SMIM13: variants seen among roughly 807,000 people sequenced by gnomAD.
SMIM13 encodes UPF0766 protein C6orf228.
Under a neutral mutation model 5.9 loss-of-function variants are expected in SMIM13, and 3 were observed. That is an observed-to-expected ratio of 0.51 (90% CI 0.23 to 1.31). SMIM13 has a LOEUF of 1.31. Ranked by LOEUF, SMIM13 falls within the 40% of genes most tolerant of loss-of-function variation. The probability of loss-of-function intolerance (pLI) is 0.18; values close to 1 mark genes in which losing one functional copy is unlikely to be tolerated. For synonymous variants in SMIM13, 55 were observed against 46.0 expected, an observed-to-expected ratio of 1.19 and a Z score of -0.79; for missense variants, 85 against 109.9, an observed-to-expected ratio of 0.77 and a Z score of 1.01.
chr6:11,118,716 A>AT (rs1561757402), intron 1 of SMIM13, among the ~76,000 whole-genome samples: 13 of 152,338 alleles, frequency 8.5e-5, no homozygotes, highest in Admixed American at 8.5e-4. Flanking sequence ...TAGTAGTCTC[A>AT]TATCTGTATT....
chr6:11,121,234 C>T (rs577685298), intron 1 of SMIM13, among the ~76,000 whole-genome samples: 6 of 152,320 alleles, frequency 3.9e-5, no homozygotes, highest in East Asian at 1.9e-4. Flanking sequence ...CCTCACCTCT[C>T]CTTTCTTCTT....
chr6:11,128,041 A>C (rs914856543), intron 1 of SMIM13, among the ~76,000 whole-genome samples: 1 of 152,200 alleles, frequency 6.6e-6, no homozygotes, highest in Non-Finnish European at 1.5e-5. Context: ...CCCAAGCTGC[A>C]AGACAAAGTT....
intron 1 of SMIM13, among the ~76,000 whole-genome samples, chr6:11,100,583 TC>T (rs1757977452): frequency 1.3e-5 from 2 of 152,236 alleles, no homozygotes; most frequent in South Asian, 4.1e-4. Flanking sequence ...ATTATCTTTT[TC>T]AGTTTCCATT....
At chr6:11,102,803 C>T (rs1758015021) in intron 1 of SMIM13, 1 of 152,164 alleles carries the variant, frequency 6.6e-6, no homozygotes, top group African/African-American at 2.4e-5. Flanking sequence ...ATCCTTGCCC[C>T]CCGGAGGAGA....
chr6:11,114,592 CTTTTTTTT>C (rs58585640), intron 1 of SMIM13, among the ~76,000 whole-genome samples: 4 of 21,842 alleles, frequency 1.8e-4, no homozygotes, highest in East Asian at 1.9e-3. Flanking sequence ...CACTTTTTCT[CTTTTTTTT>C]TTTTTTTTTT....
At chr6:11,106,017 G>A (rs1421649249) in intron 1 of SMIM13, among the ~76,000 whole-genome samples, 1 of 152,162 alleles carries the variant, frequency 6.6e-6, no homozygotes, top group African/African-American at 2.4e-5. Context: ...TTGGGGATGT[G>A]TTTGAGGGTT....
chr6:11,135,129 A>G lies in SMIM13; in HGVS notation c.*527A>G, dbSNP rs1473901495. 1 of 152,646 alleles carries G rather than the reference A, an allele frequency of 6.6e-6. No individual in the cohort carries two copies. Among genetic ancestry groups the G allele is most frequent in the Admixed American group, 6.5e-5 (1 of 15,274 alleles). The allele number at this position is 152,646 out of a possible 1,614,324, so 9.5% of individuals were successfully genotyped here. A position where few individuals can be genotyped will look rare whatever the true frequency, so the allele number is the denominator to read the frequency against. ...ATTTTAAAATGTCTTCAAAAAGATC[A>G]CACTATGATTCAGCATTGAAACGAA... On this transcript the variant is annotated 3_prime_UTR_variant, in exon 2 of 2. Transcript: ENST00000416247.
At chr6:11,104,490 T>A in intron 1 of SMIM13, 11 of 1,554,546 alleles carry the variant, frequency 7.1e-6, no homozygotes, top group Non-Finnish European at 9.6e-6. Flanking sequence ...TCCAAAAAAT[T>A]CTGAGACTGC....
At chr6:11,115,984 G>A (rs1758233691) in intron 1 of SMIM13, among the ~76,000 whole-genome samples, 1 of 146,592 alleles carries the variant, frequency 6.8e-6, no homozygotes, top group African/African-American at 2.5e-5. Context: ...ACCATGCCCT[G>A]CCGGCCGGCC....
At chr6:11,101,810 G>T (rs776659664) in intron 1 of SMIM13, among the ~76,000 whole-genome samples, 1 of 148,820 alleles carries the variant, frequency 6.7e-6, no homozygotes, top group African/African-American at 2.5e-5. Context: ...CACAATTGCC[G>T]CTCACTGCAA....
intron 1 of SMIM13, among the ~76,000 whole-genome samples, chr6:11,117,609 A>ATTT (rs1364478486): frequency 6.6e-6 from 1 of 152,018 alleles, no homozygotes; most frequent in Non-Finnish European, 1.5e-5. Context: ...AATTTTGAAT[A>ATTT]TTTGTTCTTT....
chr6:11,093,840 G>C lies in SMIM13; in HGVS notation c.-474G>C, dbSNP rs1757884306. Among the ~76,000 whole-genome samples the C allele has an allele frequency of 6.6e-6, 1 of 152,254 alleles. No homozygotes were observed. Among genetic ancestry groups the C allele is most frequent in the Non-Finnish European group, 1.5e-5 (1 of 68,046 alleles). ...GCGGTAGGGGGCCTGGGGCGGAGAA[G>C]CCGCTACAGCCGCGGCCGGGCGACG... On this transcript the variant is annotated 5_prime_UTR_variant, in exon 1 of 2. Coordinates refer to ENST00000416247, the MANE Select transcript of SMIM13 (RefSeq NM_001135575.2).
At chr6:11,094,448 G>T (rs2273884) in intron 1 of SMIM13, 59 bp downstream of exon 1, 583,754 of 1,210,354 alleles carry the variant, frequency 0.48, 137,803 homozygotes, top group African/African-American at 0.62. Flanking sequence ...ATCTGCTGGG[G>T]TTTTTTTTGT....
chr6:11,095,695 G>A (rs912204508), intron 1 of SMIM13, among the ~76,000 whole-genome samples: 16 of 152,200 alleles, frequency 1.1e-4, no homozygotes, highest in African/African-American at 3.4e-4. Context: ...TGTAACACCA[G>A]GTTAAAGCTT....
At chr6:11,121,677 C>T (rs1475277223) in intron 1 of SMIM13, among the ~76,000 whole-genome samples, 1 of 152,206 alleles carries the variant, frequency 6.6e-6, no homozygotes, top group African/African-American at 2.4e-5. Flanking sequence ...TAACTTTGCA[C>T]TTGTCTTCTC....
chr6:11,094,158 C>G lies in SMIM13; in HGVS notation c.-156C>G, dbSNP rs1757889614. ...AGTGCCCGCCTTTGCGCCGCCCCAC[C>G]CCCTGGGGGCGCTGCCGAGGGGGCG... On this transcript the variant is annotated 5_prime_UTR_variant, in exon 1 of 2. Coordinates refer to ENST00000416247, the MANE Select transcript of SMIM13 (RefSeq NM_001135575.2). 6.1e-6 allele frequency: 1 copy of G among 163,894 alleles called. No homozygotes were observed. Among genetic ancestry groups the G allele is most frequent in the South Asian group, 1.9e-4 (1 of 5,340 alleles). 10.2% of individuals were successfully genotyped at this position (163,894 alleles called of 1,614,324 possible). A position where few individuals can be genotyped will look rare whatever the true frequency, so the allele number is the denominator to read the frequency against.
rs536517558 is a variant in SMIM13 at position 11,124,638 on chromosome 6, T to C, written c.77-9765T>C. On this transcript the variant is annotated intron_variant, in intron 1 of 1. Transcript: ENST00000416247. ...ATGTACACAGTGTTTCCACCAGCAC[T>C]GTACAAGGGTTCCTTTTTTCTCCAC... 2.0e-5 allele frequency among the ~76,000 whole-genome samples: 3 copies of C among 152,342 alleles called. No individual in the cohort carries two copies. In the South Asian group the frequency reaches 6.2e-4, roughly 32 times the overall value.
At chr6:11,098,281 C>T (rs550337107) in intron 1 of SMIM13, among the ~76,000 whole-genome samples, 8 of 152,336 alleles carry the variant, frequency 5.3e-5, no homozygotes, top group African/African-American at 1.9e-4. Flanking sequence ...TCTACCCCCA[C>T]TATTCAGTGA....
intron 1 of SMIM13, chr6:11,104,061 C>T (rs199922975): frequency 7.1e-6 from 11 of 1,551,696 alleles, no homozygotes; most frequent in South Asian, 2.4e-5. Context: ...TAGTCCTCGA[C>T]GATTTTGAAG....
Sources: gnomAD v4.1 joint callset for allele counts (sites outside exome capture counted in the v4.1 genomes callset) on GRCh38, gnomAD v4.1.1 for gene constraint, MANE v1.5 for transcripts, NCBI Gene and HGNC (gene_info 2026-07-23, HGNC 2026-07-21) for gene names.